The following LINGO2 variants were observed in gnomAD, a reference collection of about 807,000 sequenced individuals.
The protein encoded by LINGO2 is leucine-rich repeat and immunoglobulin-like domain-containing nogo receptor-interacting protein 2.
LINGO2 carries 14 observed loss-of-function variants against 30.6 expected under a neutral mutation model. The observed-to-expected ratio is 0.46, with a 90% CI of 0.30 to 0.72. The LOEUF (loss-of-function observed/expected upper bound fraction) is 0.72, where lower values mean the gene tolerates loss of function less well. Among genes scored for constraint, LINGO2 ranks in the 30% least tolerant of loss-of-function variants. The pLI is 0.07. For missense variants in LINGO2, 729 were observed against 751.7 expected (o/e 0.97, Z 0.35); for synonymous variants, 317 against 288.5 (o/e 1.10, Z -1.00).
chr9:28,728,326 T>C, the LINGO2 span, among the ~76,000 whole-genome samples: 2 of 151,210 alleles, frequency 1.3e-5, no homozygotes, highest in African/African-American at 4.9e-5. Flanking sequence ...GGTAAATAAA[T>C]CCAAAATTTA....
chr9:28,152,004 G>A (rs1425782457), intron 4 of LINGO2, among the ~76,000 whole-genome samples: 1 of 151,980 alleles, frequency 6.6e-6, no homozygotes, highest in East Asian at 1.9e-4. Flanking sequence ...GTGTCATGAG[G>A]GCTTAATAAC....
chr9:28,947,429 C>G, the LINGO2 span, among the ~76,000 whole-genome samples: 18 of 151,988 alleles, frequency 1.2e-4, no homozygotes, highest in Non-Finnish European at 2.6e-4. Context: ...GTTTCTGCAT[C>G]TTTACTCTGT....
At chr9:28,518,169 C>T (rs1229011846) in intron 1 of LINGO2, among the ~76,000 whole-genome samples, 1 of 151,884 alleles carries the variant, frequency 6.6e-6, no homozygotes, top group Non-Finnish European at 1.5e-5. Context: ...ACAACTACCA[C>T]CCCATTTTAA....
intron 4 of LINGO2, among the ~76,000 whole-genome samples, chr9:28,163,196 A>G (rs997378124): frequency 2.0e-5 from 3 of 152,154 alleles, no homozygotes; most frequent in Admixed American, 1.3e-4. Context: ...TAAGTCAACT[A>G]TATATATTCC....
At chr9:28,998,875 T>A in the LINGO2 span, among the ~76,000 whole-genome samples, 11 of 149,846 alleles carry the variant, frequency 7.3e-5, no homozygotes, top group South Asian at 1.9e-3. Context: ...GGACAGTACA[T>A]GAGAAGCTCT....
intron 1 of LINGO2, among the ~76,000 whole-genome samples, chr9:28,608,439 G>A (rs1029120572): frequency 5.9e-5 from 9 of 151,870 alleles, no homozygotes; most frequent in African/African-American, 2.2e-4. Context: ...TTCTAAAACT[G>A]TTTTCTAAAA....
the LINGO2 span, among the ~76,000 whole-genome samples, chr9:28,870,318 T>C: frequency 6.6e-6 from 1 of 152,088 alleles, no homozygotes; most frequent in Non-Finnish European, 1.5e-5. Context: ...CCAGTCCACC[T>C]GTACTTCCCA....
exon 6 of LINGO2, chr9:27,950,354 G>T (rs201680393): frequency 3.1e-6 from 5 of 1,614,176 alleles, no homozygotes; most frequent in Non-Finnish European, 3.4e-6. Flanking sequence ...GGGAACGCAG[G>T]TTAAAGAGAT....
At chr9:29,196,038 A>C in the LINGO2 span, among the ~76,000 whole-genome samples, 3 of 152,126 alleles carry the variant, frequency 2.0e-5, no homozygotes, top group Non-Finnish European at 4.4e-5. Context: ...TCAGCTAAGA[A>C]AGACTGAAGG....
At chr9:29,191,677 A>G in the LINGO2 span, among the ~76,000 whole-genome samples, 1 of 152,166 alleles carries the variant, frequency 6.6e-6, no homozygotes, top group South Asian at 2.1e-4. Flanking sequence ...CATTAATACC[A>G]TAATCAGGAT....
At chr9:28,364,119 A>G (rs181335352) in intron 3 of LINGO2, among the ~76,000 whole-genome samples, 2 of 152,072 alleles carry the variant, frequency 1.3e-5, no homozygotes, top group East Asian at 3.9e-4. Context: ...ATAATTCTAA[A>G]CTCCTTAAGA....
intron 4 of LINGO2, among the ~76,000 whole-genome samples, chr9:28,259,304 T>C (rs1158635930): frequency 6.6e-6 from 1 of 152,096 alleles, no homozygotes; most frequent in Non-Finnish European, 1.5e-5. Context: ...AATAAAAATG[T>C]ATGACTATGG....
intron 4 of LINGO2, among the ~76,000 whole-genome samples, chr9:28,232,061 T>C (rs999489447): frequency 1.2e-4 from 18 of 152,110 alleles, no homozygotes; most frequent in Admixed American, 1.2e-3. Context: ...ACTATGTCTC[T>C]TATATATTGG....
chr9:28,622,365 A>C (rs1039285723), intron 1 of LINGO2, among the ~76,000 whole-genome samples: 2 of 151,468 alleles, frequency 1.3e-5, no homozygotes, highest in Non-Finnish European at 3.0e-5. Context: ...ACTTGTTTTT[A>C]TTTTTTATTT....
chr9:27,996,858 C>T (rs972922855), intron 5 of LINGO2, among the ~76,000 whole-genome samples: 1 of 152,166 alleles, frequency 6.6e-6, no homozygotes, highest in African/African-American at 2.4e-5. Flanking sequence ...CAAAATATCA[C>T]ATCTCCATAA....
At chr9:29,194,001 T>C in the LINGO2 span, among the ~76,000 whole-genome samples, 1 of 152,132 alleles carries the variant, frequency 6.6e-6, no homozygotes, top group Non-Finnish European at 1.5e-5. Context: ...CAGTGGTGAA[T>C]GAATGGAAGG....
intron 5 of LINGO2, among the ~76,000 whole-genome samples, chr9:27,976,805 T>G (rs1050139375): frequency 6.6e-6 from 1 of 152,090 alleles, no homozygotes; most frequent in Admixed American, 6.6e-5. Flanking sequence ...ACATCCTTCA[T>G]ATTTTCCAGT....
chr9:28,880,151 A>C, the LINGO2 span, among the ~76,000 whole-genome samples: 30,554 of 152,058 alleles, frequency 0.2, 5,677 homozygotes, highest in African/African-American at 0.5. Flanking sequence ...CTCTGTCGCC[A>C]AGGCTGGAGT....
At chr9:28,908,180 A>C in the LINGO2 span, among the ~76,000 whole-genome samples, 1 of 151,108 alleles carries the variant, frequency 6.6e-6, no homozygotes, top group African/African-American at 2.4e-5. Flanking sequence ...CACATACAAA[A>C]CTTCTCAAGC....
Sources: allele counts gnomAD v4.1 joint callset (sites outside exome capture counted in the v4.1 genomes callset), GRCh38; gene constraint gnomAD v4.1.1; transcripts MANE v1.5; gene names NCBI Gene and HGNC (gene_info 2026-07-23, HGNC 2026-07-21).